The following SGCZ variants were observed in gnomAD, a reference collection of about 807,000 sequenced individuals.
SGCZ encodes sarcoglycan zeta.
In SGCZ, 40 loss-of-function variants were observed where a neutral mutation model predicts 41.3. The observed-to-expected ratio is 0.97, with a 90% confidence interval of 0.75 to 1.26. The LOEUF (loss-of-function observed/expected upper bound fraction) is 1.26, where lower values mean the gene tolerates loss of function less well. SGCZ is among the 50% of genes most tolerant of loss of function. The probability of loss-of-function intolerance (pLI) is 0.00; values close to 1 mark genes in which losing one functional copy is unlikely to be tolerated. For synonymous variants in SGCZ, 206 were observed against 137.5 expected (o/e 1.50, Z -3.49); for missense variants, 552 against 369.8 (o/e 1.49, Z -4.04).
intron 1 of SGCZ, among the ~76,000 whole-genome samples, chr8:14,684,525 A>T (rs971281291): frequency 1.3e-5 from 2 of 152,130 alleles, no homozygotes; most frequent in East Asian, 1.9e-4. Context: ...GAGTTTTGCT[A>T]ACTAATTTTC....
chr8:14,257,683 C>G (rs977700245), intron 3 of SGCZ, among the ~76,000 whole-genome samples: 1 of 148,028 alleles, frequency 6.8e-6, no homozygotes, highest in African/African-American at 2.5e-5. Context: ...CTTCCTGTGT[C>G]CAAGTGTTCT....
chr8:14,948,553 G>C (rs180744965), intron 1 of SGCZ, among the ~76,000 whole-genome samples: 2 of 152,010 alleles, frequency 1.3e-5, no homozygotes, highest in Non-Finnish European at 2.9e-5. Flanking sequence ...AAAAAGCAGA[G>C]CCTGGTAGTC....
At chr8:14,105,076 C>T (rs1455014967) in intron 6 of SGCZ, among the ~76,000 whole-genome samples, 1 of 152,038 alleles carries the variant, frequency 6.6e-6, no homozygotes, top group Non-Finnish European at 1.5e-5. Context: ...TTAGGCTGTT[C>T]TGGGCAAATT....
chr8:14,153,224 T>C (rs187485815), intron 5 of SGCZ, among the ~76,000 whole-genome samples: 39 of 152,344 alleles, frequency 2.6e-4, no homozygotes, highest in African/African-American at 7.9e-4. Flanking sequence ...TGTACACTGA[T>C]AACTGTCTCA....
At chr8:14,506,747 C>CT (rs1295845954) in intron 2 of SGCZ, among the ~76,000 whole-genome samples, 2 of 152,084 alleles carry the variant, frequency 1.3e-5, no homozygotes, top group Admixed American at 6.6e-5. Flanking sequence ...TCTCAGCGTT[C>CT]TTTTTTTATT....
intron 3 of SGCZ, among the ~76,000 whole-genome samples, chr8:14,248,410 T>G (rs1484655771): frequency 6.6e-6 from 1 of 152,134 alleles, no homozygotes; most frequent in Non-Finnish European, 1.5e-5. Flanking sequence ...AGATGCGTAT[T>G]TGTATATGAT....
intron 7 of SGCZ, among the ~76,000 whole-genome samples, chr8:14,094,792 C>A (rs528349603): frequency 6.6e-6 from 1 of 152,240 alleles, no homozygotes; most frequent in South Asian, 2.1e-4. Flanking sequence ...TCCTCACCAG[C>A]ATCTGTTGTT....
intron 4 of SGCZ, among the ~76,000 whole-genome samples, chr8:14,224,193 G>C (rs1458901347): frequency 6.6e-6 from 1 of 152,062 alleles, no homozygotes; most frequent in African/African-American, 2.4e-5. Flanking sequence ...CTTGAACCTA[G>C]GCCTTTCATA....
chr8:14,822,166 A>T (rs1158903663), intron 1 of SGCZ, among the ~76,000 whole-genome samples: 2 of 152,066 alleles, frequency 1.3e-5, no homozygotes, highest in Non-Finnish European at 2.9e-5. Context: ...TCAACATTCA[A>T]AAATGGATAG....
chr8:14,215,758 T>G (rs751880727), intron 4 of SGCZ, among the ~76,000 whole-genome samples: 24 of 152,236 alleles, frequency 1.6e-4, no homozygotes, highest in Non-Finnish European at 2.8e-4. Flanking sequence ...CTCAAAAGAC[T>G]ACATATTACC....
chr8:15,218,257 G>A (rs564983869), intron 1 of SGCZ, among the ~76,000 whole-genome samples: 17 of 152,178 alleles, frequency 1.1e-4, no homozygotes, highest in African/African-American at 3.9e-4. Context: ...CAAAGAGATG[G>A]AAGAGTTATT....
chr8:14,511,937 G>A (rs1243154387), intron 2 of SGCZ, among the ~76,000 whole-genome samples: 1 of 152,200 alleles, frequency 6.6e-6, no homozygotes, highest in East Asian at 1.9e-4. Flanking sequence ...AAGGTTTATA[G>A]ATTTTATATA....
intron 2 of SGCZ, among the ~76,000 whole-genome samples, chr8:14,552,148 A>G (rs888630024): frequency 6.6e-6 from 1 of 152,008 alleles, no homozygotes. Flanking sequence ...TAGATATGAA[A>G]AGGAACATAA....
intron 1 of SGCZ, among the ~76,000 whole-genome samples, chr8:14,901,874 G>T (rs1798983106): frequency 1.3e-5 from 2 of 152,038 alleles, no homozygotes; most frequent in Non-Finnish European, 2.9e-5. Flanking sequence ...ACATACATAA[G>T]TAAAAATAAA....
chr8:14,759,322 T>C lies in SGCZ; in HGVS notation c.40-204396A>G, dbSNP rs1048660485. 2.7e-5 allele frequency among the ~76,000 whole-genome samples: 4 copies of C among 146,014 alleles called. 1 individual carries two copies. Among genetic ancestry groups the C allele is most frequent in the African/African-American group, 7.7e-5 (3 of 38,924 alleles). On this transcript the variant is annotated intron_variant, in intron 1 of 7. Coordinates refer to ENST00000382080, the MANE Select transcript of SGCZ (RefSeq NM_139167.4). The stretch of plus-strand genomic sequence containing the variant: ...GAAACATTCACCTTTTATCTGATTT[T>C]TTAAAAATAGTTTTAGCCTCAACAA...
At chr8:14,470,571 G>GA (rs1039811759) in intron 2 of SGCZ, among the ~76,000 whole-genome samples, 1 of 151,912 alleles carries the variant, frequency 6.6e-6, no homozygotes, top group African/African-American at 2.4e-5. Context: ...AGAATTGCTT[G>GA]AAAAAATCAT....
chr8:15,230,741 G>C (rs1490302472), intron 1 of SGCZ, among the ~76,000 whole-genome samples: 1 of 152,204 alleles, frequency 6.6e-6, no homozygotes, highest in Non-Finnish European at 1.5e-5. Context: ...CCAAAGGCAA[G>C]TATGGAGAGA....
chr8:14,428,835 G>A (rs1472556540), intron 2 of SGCZ, among the ~76,000 whole-genome samples: 1 of 152,142 alleles, frequency 6.6e-6, no homozygotes, highest in East Asian at 1.9e-4. Context: ...GTAGATATAA[G>A]TTCACATTAA....
intron 3 of SGCZ, among the ~76,000 whole-genome samples, chr8:14,287,057 T>C (rs983625793): frequency 6.6e-6 from 1 of 152,020 alleles, no homozygotes; most frequent in East Asian, 1.9e-4. Flanking sequence ...ATTTCTCTAA[T>C]AGAGTATTTA....
Sources: allele counts gnomAD v4.1 joint callset (sites outside exome capture counted in the v4.1 genomes callset), GRCh38; gene constraint gnomAD v4.1.1; transcripts MANE v1.5; gene names NCBI Gene and HGNC (gene_info 2026-07-23, HGNC 2026-07-21).